The following TCF12 variants were observed in gnomAD, a reference collection of about 807,000 sequenced individuals.
The protein encoded by TCF12 is transcription factor 12.
In TCF12, 45 loss-of-function variants were observed where a neutral mutation model predicts 86.0. The observed-to-expected ratio is 0.52, with a 90% CI of 0.41 to 0.67. TCF12 has a LOEUF of 0.67. Ranked by LOEUF, TCF12 falls within the 30% of genes least tolerant of loss-of-function variation. The pLI is 0.00. For missense variants in TCF12, 881 were observed against 859.9 expected (o/e 1.02, Z -0.31); for synonymous variants, 330 against 299.6 (o/e 1.10, Z -1.05).
chr15:57,239,402 T>G (rs886337082), intron 12 of TCF12, among the ~76,000 whole-genome samples: 5 of 151,384 alleles, frequency 3.3e-5, no homozygotes, highest in African/African-American at 1.2e-4. Context: ...TACACGCCTA[T>G]GTAATCCCAG....
At chr15:57,196,918 A>G (rs2057294668) in intron 7 of TCF12, among the ~76,000 whole-genome samples, 1 of 152,176 alleles carries the variant, frequency 6.6e-6, no homozygotes, top group Admixed American at 6.5e-5. Flanking sequence ...TATTGACATT[A>G]TAACCTTCAT....
chr15:57,252,309 G>T (rs2060154200), intron 14 of TCF12, 112 bp from the exon 15 acceptor site: 2 of 721,870 alleles, frequency 2.8e-6, no homozygotes, highest in Admixed American at 4.9e-5. Context: ...GCAAGTCTTG[G>T]CGTTAACTTT....
intron 8 of TCF12, chr15:57,219,493 C>G (rs1240518238): frequency 6.2e-7 from 1 of 1,606,490 alleles, no homozygotes. Flanking sequence ...TGTGCATTAG[C>G]TACAAATAGT....
chr15:57,261,999 T>A, intron 16 of TCF12, 95 bp from the exon 17 acceptor site: 1 of 730,364 alleles, frequency 1.4e-6, no homozygotes, highest in Non-Finnish European at 2.1e-6. Context: ...TGAGTGACAC[T>A]GTTTTCTCTA....
At chr15:57,110,349 A>G (rs1203077517) in intron 5 of TCF12, among the ~76,000 whole-genome samples, 1 of 152,154 alleles carries the variant, frequency 6.6e-6, no homozygotes, top group African/African-American at 2.4e-5. Flanking sequence ...TGAAAGCACT[A>G]GCAGAATAGA....
intron 5 of TCF12, among the ~76,000 whole-genome samples, chr15:57,102,497 C>G (rs535389205): frequency 2.6e-4 from 40 of 151,820 alleles, no homozygotes; most frequent in Admixed American, 2.2e-3. Flanking sequence ...ACTAGGGAGG[C>G]TGAGACAGAA....
At chr15:57,133,643 A>G (rs1258339670) in intron 5 of TCF12, among the ~76,000 whole-genome samples, 1 of 135,938 alleles carries the variant, frequency 7.4e-6, no homozygotes, top group African/African-American at 2.9e-5. Context: ...TTTTTTTCCC[A>G]TCTGTGAATA....
At chr15:57,222,750 G>C (rs900057821) in intron 8 of TCF12, among the ~76,000 whole-genome samples, 9 of 122,420 alleles carry the variant, frequency 7.4e-5, no homozygotes, top group Non-Finnish European at 1.3e-4. Flanking sequence ...GGGAAAAAAA[G>C]GACTGCCATT....
intron 3 of TCF12, among the ~76,000 whole-genome samples, chr15:56,976,647 A>C (rs1405201231): frequency 6.6e-6 from 1 of 152,176 alleles, no homozygotes; most frequent in African/African-American, 2.4e-5. Flanking sequence ...ATATTACCAG[A>C]AGACAGCTAG....
intron 5 of TCF12, among the ~76,000 whole-genome samples, chr15:57,154,561 T>G (rs2053986474): frequency 6.6e-6 from 1 of 152,248 alleles, no homozygotes; most frequent in East Asian, 1.9e-4. Context: ...CTTTTATGTT[T>G]CGACTTCTCA....
chr15:57,198,981 G>A (rs1054693035), intron 8 of TCF12, among the ~76,000 whole-genome samples: 1 of 152,132 alleles, frequency 6.6e-6, no homozygotes, highest in Non-Finnish European at 1.5e-5. Context: ...TACATGAAAA[G>A]TCGAATTTGA....
At chr15:56,962,044 A>G (rs987664341) in intron 3 of TCF12, among the ~76,000 whole-genome samples, 7 of 150,966 alleles carry the variant, frequency 4.6e-5, no homozygotes, top group African/African-American at 1.5e-4. Context: ...GAGGCAGGAG[A>G]ATGGCGTGAA....
intron 3 of TCF12, among the ~76,000 whole-genome samples, chr15:56,929,555 C>G (rs936066736): frequency 6.6e-6 from 1 of 151,888 alleles, no homozygotes; most frequent in Non-Finnish European, 1.5e-5. Flanking sequence ...CTCATAAAGA[C>G]CATGGTGAGT....
At chr15:57,125,233 G>GAGGCCTGAA (rs1447008419) in intron 5 of TCF12, among the ~76,000 whole-genome samples, 1 of 152,180 alleles carries the variant, frequency 6.6e-6, no homozygotes, top group Non-Finnish European at 1.5e-5. Flanking sequence ...AGTATGATTT[G>GAGGCCTGAA]AGGCCTGAAA....
At chr15:57,049,213 T>C (rs1413712029) in intron 3 of TCF12, among the ~76,000 whole-genome samples, 1 of 152,212 alleles carries the variant, frequency 6.6e-6, no homozygotes, top group African/African-American at 2.4e-5. Flanking sequence ...TGTTGCTATG[T>C]AGTTCAATTC....
At chr15:57,270,824 C>T (rs2061102583) in intron 18 of TCF12, among the ~76,000 whole-genome samples, 1 of 152,208 alleles carries the variant, frequency 6.6e-6, no homozygotes, top group South Asian at 2.1e-4. Context: ...ACCGGCCCCT[C>T]AGCTGCACAT....
At chr15:57,173,772 A>G (rs1332585416) in intron 6 of TCF12, among the ~76,000 whole-genome samples, 2 of 150,652 alleles carry the variant, frequency 1.3e-5, no homozygotes, top group African/African-American at 4.9e-5. Context: ...AAGTGGTGCT[A>G]TCTCGGCTCA....
chr15:57,269,337 G>C (rs2061014362), intron 18 of TCF12, among the ~76,000 whole-genome samples: 1 of 141,862 alleles, frequency 7.0e-6, no homozygotes, highest in Non-Finnish European at 1.5e-5. Context: ...TCAGAGACCA[G>C]GATTGCAACC....
At chr15:57,167,269 T>C (rs959537579) in intron 6 of TCF12, among the ~76,000 whole-genome samples, 4 of 152,288 alleles carry the variant, frequency 2.6e-5, no homozygotes, top group Admixed American at 2.6e-4. Flanking sequence ...TAAAATAATG[T>C]ATTGTAGTAG....
Sources: gnomAD v4.1 joint callset for allele counts (sites outside exome capture counted in the v4.1 genomes callset) on GRCh38, gnomAD v4.1.1 for gene constraint, MANE v1.5 for transcripts, NCBI Gene and HGNC (gene_info 2026-07-23, HGNC 2026-07-21) for gene names.